The following ATP7B variants were observed in gnomAD, a reference collection of about 807,000 sequenced individuals.
The protein encoded by ATP7B is ATPase copper transporting beta.
A neutral mutation model predicts 118.9 loss-of-function variants in ATP7B; 113 were observed. The ratio of observed to expected loss-of-function variants is 0.95; its 90% CI spans 0.82 to 1.11. The LOEUF is 1.11. Among genes scored for constraint, ATP7B ranks in the 50% most tolerant of loss-of-function variants. The pLI is 0.00. For missense variants in ATP7B, 1,867 were observed against 1,871.4 expected, an observed-to-expected ratio of 1.00 and a Z score of 0.04; for synonymous variants, 777 against 727.4, an observed-to-expected ratio of 1.07 and a Z score of -1.10.
upstream of ATP7B, chr13:52,012,014 C>T (rs1422052101): frequency 5.5e-6 from 2 of 363,486 alleles, no homozygotes; most frequent in Non-Finnish European, 5.2e-6. Flanking sequence ...AGAGTGAACT[C>T]CGCACCTGGA....
In ATP7B at chr13:51,974,373, G is replaced by A. The variant is rs2140087571; in HGVS notation, c.847C>T (p.Leu283=). 1 of 1,613,966 alleles carries A rather than the reference G, an allele frequency of 6.2e-7. No homozygotes were observed. The highest frequency in any genetic ancestry group is 8.5e-7 in the Non-Finnish European group (1 of 1,180,034). ...GACACTTGAATACTTTGAACCCCTA[G>A]GAGCTGGCCAATATTTTCTTCAATA... ...LNIEENIGQL[L]GVQSIQVSLE... Residue 283 remains leucine, a synonymous_variant, in exon 2 of 21, where the codon CTA becomes TTA. Transcript: ENST00000242839.
At position 51,949,391 on chromosome 13, in the gene ATP7B, G is replaced by A. The variant is rs148260119; in HGVS notation, c.2865+271C>T. ...TCAAAAAGGACCAATAATACATATT[G>A]TAAATGCTTCAAGCATTACAACTGA... is the stretch of plus-strand genomic sequence containing the variant. On this transcript the variant is annotated intron_variant, in intron 12 of 20. Transcript: ENST00000242839. 2.9e-3 allele frequency among the ~76,000 whole-genome samples: 449 copies of A among 152,218 alleles called. 8 individuals are homozygous for A. The highest frequency in any genetic ancestry group is 0.027 in the Admixed American group (417 of 15,290).
intron 5 of ATP7B, 135 bp downstream of exon 5, chr13:51,964,737 G>A (rs2139762055): frequency 9.3e-7 from 1 of 1,079,784 alleles, no homozygotes; most frequent in South Asian, 1.5e-5. Flanking sequence ...AAATGACTGA[G>A]CTTATTTCCA....
Position 51,960,206 on chromosome 13 carries a change from ATGT to A in ATP7B, c.2060_2062del (p.Asn687del), listed in dbSNP as rs770107276. 2.5e-6 allele frequency: 4 copies of A among 1,613,942 alleles called. No homozygotes were observed. The highest frequency in any genetic ancestry group is 1.3e-5 in the African/African-American group (1 of 75,050). On this transcript the variant is annotated inframe_deletion, in exon 7 of 21. Coordinates refer to ENST00000242839, the MANE Select transcript of ATP7B (RefSeq NM_000053.4). ...ATTTAGAATGGACAGTCCTGGAATG[ATGT>A]TGTGGTCCAGGACCATGGACTGGTG...
At chr13:51,941,256 T>A (rs765009591) in intron 15 of ATP7B, 32 bp from the exon 16 acceptor site, 1 of 1,612,756 alleles carries the variant, frequency 6.2e-7, no homozygotes, top group South Asian at 1.1e-5. Context: ...TATTTCTAAA[T>A]GGTCCAATTT....
At chr13:51,940,781 GAGA>G (rs1957284467) in intron 16 of ATP7B, among the ~76,000 whole-genome samples, 1 of 152,188 alleles carries the variant, frequency 6.6e-6, no homozygotes, top group South Asian at 2.1e-4. Context: ...AGGGATGAAG[GAGA>G]AGGATGACTC....
intron 1 of ATP7B, among the ~76,000 whole-genome samples, chr13:52,006,331 A>C (rs1953770830): frequency 6.6e-6 from 1 of 152,200 alleles, no homozygotes; most frequent in Non-Finnish European, 1.5e-5. Context: ...AGAAGCACTT[A>C]AATCCATCTC....
intron 1 of ATP7B, among the ~76,000 whole-genome samples, chr13:51,987,974 G>A (rs1278820718): frequency 6.6e-6 from 1 of 152,020 alleles, no homozygotes; most frequent in Non-Finnish European, 1.5e-5. Context: ...AACATAGGCA[G>A]TACCATTCAG....
rs752114267 is a variant in ATP7B at position 51,937,678 on chromosome 13, A to G, written c.3701T>C (p.Val1234Ala). The change falls in exon 18 of 21, where the codon GTT becomes GCT. Residue 1234 changes from valine (V) to alanine (A), a missense_variant and splice_region_variant. Coordinates refer to ENST00000242839, the MANE Select transcript of ATP7B (RefSeq NM_000053.4). ...CTCTGCAAAGACTTTGTTGATGCCA[A>G]CCTAAGACAAAAGGAAGGCAATGCC... ...RKTARAIATQ[V>A]GINKVFAEVL... is the part of the protein sequence containing the mutation. The G allele has an allele frequency of 6.2e-7, 1 of 1,614,216 alleles. No homozygotes were observed. Among genetic ancestry groups the G allele is most frequent in the South Asian group, 1.1e-5 (1 of 91,082 alleles).
chr13:51,971,744 C>T (rs1189300114), intron 2 of ATP7B, among the ~76,000 whole-genome samples: 1 of 152,254 alleles, frequency 6.6e-6, no homozygotes, highest in Non-Finnish European at 1.5e-5. Context: ...TGAATGCCCA[C>T]TCCCTTCAGC....
chr13:51,969,554 T>C (rs1292216705), intron 3 of ATP7B, among the ~76,000 whole-genome samples: 1 of 151,896 alleles, frequency 6.6e-6, no homozygotes, highest in Non-Finnish European at 1.5e-5. Flanking sequence ...GAAAAAGAAA[T>C]CCCACAATCT....
chr13:51,993,931 A>C (rs1359199771), intron 1 of ATP7B, among the ~76,000 whole-genome samples: 1 of 152,120 alleles, frequency 6.6e-6, no homozygotes, highest in African/African-American at 2.4e-5. Flanking sequence ...AGGCTCCCCT[A>C]GTCAGCTTCA....
intron 4 of ATP7B, among the ~76,000 whole-genome samples, chr13:51,967,786 A>G (rs1048612575): frequency 2.0e-5 from 3 of 152,226 alleles, no homozygotes; most frequent in Non-Finnish European, 4.4e-5. Context: ...CTTTGCTTAC[A>G]CAAAAAGAGC....
In ATP7B at chr13:51,974,456, T is replaced by C. The variant is rs1375909980; in HGVS notation, c.764A>G (p.His255Arg). 6.2e-7 allele frequency: 1 copy of C among 1,613,958 alleles called. No homozygotes were observed. The highest frequency in any genetic ancestry group is 1.3e-5 in the African/African-American group (1 of 74,902). Residue 255 changes from histidine (H) to arginine (R), a missense_variant, in exon 2 of 21, where the codon CAT becomes CGT. Physicochemically the swap from His to Arg is conservative, Grantham distance 29. Transcript: ENST00000242839. ...TATTCTCAGTTGGAGGGTGACCACATGGCTTCCTTGGTGCCCCAAGGTCTC... is the reference window on the plus strand; with the variant it reads ...TATTCTCAGTTGGAGGGTGACCACACGGCTTCCTTGGTGCCCCAAGGTCTC... The part of the protein sequence containing the change: ...NSETLGHQGS[H>R]VVTLQLRIDG...
At chr13:51,939,635 C>T (rs1483130998) in intron 16 of ATP7B, among the ~76,000 whole-genome samples, 2 of 145,532 alleles carry the variant, frequency 1.4e-5, no homozygotes, top group South Asian at 2.2e-4. Context: ...GAAAACATTT[C>T]GGCAGAATTT....
chr13:51,944,659 A>G (rs1230157621), intron 13 of ATP7B, among the ~76,000 whole-genome samples: 1 of 152,194 alleles, frequency 6.6e-6, no homozygotes, highest in Non-Finnish European at 1.5e-5. Context: ...CTCCCTGTCC[A>G]CTGCCATCCG....
chr13:51,942,536 A>G lies in ATP7B; in HGVS notation c.3262T>C (p.Leu1088=), dbSNP rs1377215961. ...YCKEELGTET[L]GYCTDFQAVP... Reference sequence around the variant, plus strand: ...GCCTGGAAGTCCGTGCAGTATCCCAAGGTCTCTGTTCCAAGTTCCTGGGAA... The same window carrying G: ...GCCTGGAAGTCCGTGCAGTATCCCAGGGTCTCTGTTCCAAGTTCCTGGGAA... Residue 1088 remains leucine, a synonymous_variant, in exon 15 of 21, where the codon TTG becomes CTG. Coordinates refer to ENST00000242839, the MANE Select transcript of ATP7B (RefSeq NM_000053.4). The G allele has an allele frequency of 6.2e-6, 10 of 1,614,134 alleles. No homozygotes were observed. The highest frequency in any genetic ancestry group is 8.5e-6 in the Non-Finnish European group (10 of 1,180,014).
intron 2 of ATP7B, among the ~76,000 whole-genome samples, chr13:51,973,549 C>T (rs1171407491): frequency 1.3e-5 from 2 of 152,184 alleles, no homozygotes; most frequent in Non-Finnish European, 2.9e-5. Context: ...TGCTCAGCAC[C>T]CCTGCCATGT....
Position 51,975,122 on chromosome 13 carries a change from A to C in ATP7B, c.98T>G (p.Met33Arg), listed in dbSNP as rs184868522. ...SLPTRAWEPAMKKSFAFDNVG... is the reference protein window; with the variant it reads ...SLPTRAWEPARKKSFAFDNVG... The stretch of plus-strand genomic sequence containing the variant: ...ATTGTCAAAAGCAAAACTCTTCTTC[A>C]TTGCTGGTTCCCAGGCACGGGTAGG... Residue 33 changes from methionine to arginine, a missense_variant, in exon 2 of 21, where the codon ATG becomes AGG. Transcript: ENST00000242839. The C allele has an allele frequency of 1.9e-6, 3 of 1,614,148 alleles. No homozygotes were observed. Among genetic ancestry groups the C allele is most frequent in the East Asian group, 2.2e-5 (1 of 44,902 alleles).
Sources: gnomAD v4.1 joint callset for allele counts (sites outside exome capture counted in the v4.1 genomes callset) on GRCh38, gnomAD v4.1.1 for gene constraint, MANE v1.5 for transcripts, NCBI Gene and HGNC (gene_info 2026-07-23, HGNC 2026-07-21) for gene names.